Variants in CAPZB observed in about 807,000 individuals in gnomAD.
The protein encoded by CAPZB is F-actin-capping protein subunit beta.
A neutral mutation model predicts 38.1 loss-of-function variants in CAPZB; 2 were observed. The ratio of observed to expected loss-of-function variants is 0.05; its 90% confidence interval spans 0.02 to 0.17. CAPZB has a LOEUF of 0.17. CAPZB is among the 10% of genes least tolerant of loss of function. The probability of loss-of-function intolerance (pLI) is 1.00; values close to 1 mark genes in which losing one functional copy is unlikely to be tolerated. For synonymous variants in CAPZB, 107 were observed against 127.4 expected, an observed-to-expected ratio of 0.84 and a Z score of 1.08; for missense variants, 161 against 334.2, an observed-to-expected ratio of 0.48 and a Z score of 4.04.
intron 1 of CAPZB, among the ~76,000 whole-genome samples, chr1:19,439,113 C>G (rs1408098427): frequency 6.6e-6 from 1 of 152,192 alleles, no homozygotes; most frequent in African/African-American, 2.4e-5. Flanking sequence ...TGGGTGAGAG[C>G]TGCCTGTGGC....
At chr1:19,381,940 T>C (rs1435838076) in intron 3 of CAPZB, among the ~76,000 whole-genome samples, 1 of 152,180 alleles carries the variant, frequency 6.6e-6, no homozygotes, top group Non-Finnish European at 1.5e-5. Context: ...TTGGTTCTTC[T>C]GCTGGCCGGG....
At chr1:19,391,077 T>C (rs2094231656) in intron 2 of CAPZB, among the ~76,000 whole-genome samples, 1 of 151,470 alleles carries the variant, frequency 6.6e-6, no homozygotes, top group African/African-American at 2.4e-5. Flanking sequence ...AACACTTTTT[T>C]TTTTTCTTAA....
At chr1:19,463,680 G>A (rs1393501419) in intron 1 of CAPZB, among the ~76,000 whole-genome samples, 8 of 152,114 alleles carry the variant, frequency 5.3e-5, no homozygotes, top group South Asian at 2.1e-4. Flanking sequence ...ACACACTCCA[G>A]GAGCCAGGAA....
At chr1:19,436,605 A>ATAG (rs2094458862) in intron 1 of CAPZB, among the ~76,000 whole-genome samples, 1 of 152,188 alleles carries the variant, frequency 6.6e-6, no homozygotes, top group Admixed American at 6.5e-5. Flanking sequence ...TGCAAAGCAT[A>ATAG]TAGGGTTCGA....
At chr1:19,405,322 C>T (rs1016683765) in intron 2 of CAPZB, among the ~76,000 whole-genome samples, 1 of 152,026 alleles carries the variant, frequency 6.6e-6, no homozygotes, top group African/African-American at 2.4e-5. Flanking sequence ...GCCAGAGGGC[C>T]CTCCAGTGCT....
At chr1:19,391,337 C>T (rs2094233573) in intron 2 of CAPZB, among the ~76,000 whole-genome samples, 1 of 152,224 alleles carries the variant, frequency 6.6e-6, no homozygotes. Context: ...TTAAGAAGTG[C>T]ACCCTTGTAC....
At chr1:19,419,553 G>A (rs1261381979) in intron 2 of CAPZB, 108 bp downstream of exon 2, 26 of 681,038 alleles carry the variant, frequency 3.8e-5, no homozygotes, top group Non-Finnish European at 3.7e-5. Context: ...GGTCTGCCAG[G>A]GAGAGAAAAG....
At chr1:19,397,711 G>A (rs1038015276) in intron 2 of CAPZB, among the ~76,000 whole-genome samples, 1 of 152,192 alleles carries the variant, frequency 6.6e-6, no homozygotes, top group Non-Finnish European at 1.5e-5. Flanking sequence ...GGATACTAAG[G>A]GTTAGGCCTG....
At chr1:19,450,523 T>C (rs897059975) in intron 1 of CAPZB, among the ~76,000 whole-genome samples, 3 of 152,332 alleles carry the variant, frequency 2.0e-5, no homozygotes, top group African/African-American at 4.8e-5. Context: ...TCAATCTTCA[T>C]AGCATGCCTG....
intron 2 of CAPZB, among the ~76,000 whole-genome samples, chr1:19,405,337 GT>G (rs2094325523): frequency 6.6e-6 from 1 of 152,130 alleles, no homozygotes; most frequent in Non-Finnish European, 1.5e-5. Flanking sequence ...AGTGCTAAGA[GT>G]ACAGTTACAG....
intron 1 of CAPZB, among the ~76,000 whole-genome samples, chr1:19,433,435 G>A (rs932755372): frequency 2.6e-5 from 4 of 152,166 alleles, no homozygotes; most frequent in African/African-American, 9.7e-5. Flanking sequence ...CATAGCAGAA[G>A]CAGCCAATTC....
chr1:19,367,232 G>A (rs1412707578), intron 4 of CAPZB, among the ~76,000 whole-genome samples: 1 of 152,212 alleles, frequency 6.6e-6, no homozygotes, highest in Non-Finnish European at 1.5e-5. Context: ...CTGCACTCAA[G>A]ATGCATCTGG....
chr1:19,441,678 G>GAA (rs370513735), intron 1 of CAPZB, among the ~76,000 whole-genome samples: 115 of 134,504 alleles, frequency 8.5e-4, no homozygotes, highest in African/African-American at 2.9e-3. Flanking sequence ...GGCAGACAGA[G>GAA]AAAAAAAAAA....
intron 2 of CAPZB, among the ~76,000 whole-genome samples, chr1:19,397,080 A>G (rs1033931437): frequency 2.8e-5 from 4 of 143,960 alleles, no homozygotes; most frequent in East Asian, 2.2e-4. Flanking sequence ...CTCCAAAGAC[A>G]CTGTAATTTC....
intron 1 of CAPZB, among the ~76,000 whole-genome samples, chr1:19,440,494 A>G (rs571900301): frequency 6.6e-6 from 1 of 152,334 alleles, no homozygotes; most frequent in South Asian, 2.1e-4. Flanking sequence ...CCTCACCGTG[A>G]AAAGGTGAAC....
Position 19,339,296 on chromosome 1 carries a change from T to C in CAPZB, c.*234A>G. 1 of 540,068 alleles carries C rather than the reference T, an allele frequency of 1.9e-6. No homozygotes were observed. The highest frequency in any genetic ancestry group is 3.3e-6 in the Non-Finnish European group (1 of 303,702). 33.5% of individuals were successfully genotyped at this position (540,068 alleles called of 1,614,324 possible). On this transcript the variant is annotated 3_prime_UTR_variant, in exon 9 of 9. Transcript: ENST00000264202. ...CCGGGTGAACAAAAACCACACGGTC[T>C]CTATGGAAATGTGGAGAGAACTGAG...
chr1:19,404,040 C>T (rs1435945338), intron 2 of CAPZB, among the ~76,000 whole-genome samples: 1 of 152,028 alleles, frequency 6.6e-6, no homozygotes, highest in Admixed American at 6.6e-5. Context: ...TGAGACTAGC[C>T]TGGCCAACAT....
intron 2 of CAPZB, among the ~76,000 whole-genome samples, chr1:19,386,560 T>C (rs1036010302): frequency 9.2e-5 from 14 of 152,188 alleles, no homozygotes; most frequent in African/African-American, 3.4e-4. Flanking sequence ...TTCCATCGTA[T>C]GGCAAAGACA....
At chr1:19,408,907 C>G (rs2094345305) in intron 2 of CAPZB, among the ~76,000 whole-genome samples, 1 of 152,190 alleles carries the variant, frequency 6.6e-6, no homozygotes, top group African/African-American at 2.4e-5. Flanking sequence ...TTTCCTGAAG[C>G]AGTTCTCTAT....
Sources: allele counts gnomAD v4.1 joint callset (sites outside exome capture counted in the v4.1 genomes callset), GRCh38; gene constraint gnomAD v4.1.1; transcripts MANE v1.5; gene names NCBI Gene and HGNC (gene_info 2026-07-23, HGNC 2026-07-21).